Variants in CSMD1 observed in about 807,000 individuals in gnomAD.
CSMD1 encodes CUB and sushi domain-containing protein 1.
CSMD1 carries 213 observed loss-of-function variants against 417.5 expected under a neutral mutation model. The ratio of observed to expected loss-of-function variants is 0.51; its 90% CI spans 0.46 to 0.57. The LOEUF (loss-of-function observed/expected upper bound fraction) is 0.57, where lower values mean the gene tolerates loss of function less well. Ranked by LOEUF, CSMD1 falls within the 20% of genes least tolerant of loss-of-function variation. The pLI is 0.00. For synonymous variants in CSMD1, 2,862 were observed against 1,736.8 expected (o/e 1.65, Z -16.11); for missense variants, 6,923 against 4,529.7 (o/e 1.53, Z -15.17).
At chr8:3,224,268 A>G (rs1237005164) in intron 27 of CSMD1, among the ~76,000 whole-genome samples, 1 of 152,236 alleles carries the variant, frequency 6.6e-6, no homozygotes, top group Non-Finnish European at 1.5e-5. Flanking sequence ...TTTTATGGCC[A>G]TGTTAATTAT....
chr8:3,050,178 T>G (rs1226932657), intron 50 of CSMD1, among the ~76,000 whole-genome samples: 1 of 151,474 alleles, frequency 6.6e-6, no homozygotes, highest in African/African-American at 2.4e-5. Context: ...GGGTCAAAAC[T>G]GGACATTAAC....
At chr8:3,461,516 G>T (rs1265540714) in intron 12 of CSMD1, among the ~76,000 whole-genome samples, 1 of 152,180 alleles carries the variant, frequency 6.6e-6, no homozygotes, top group African/African-American at 2.4e-5. Flanking sequence ...TGAGATCTCT[G>T]CTCCCCGATC....
chr8:3,526,390 C>G (rs1797755539), intron 10 of CSMD1, among the ~76,000 whole-genome samples: 1 of 151,982 alleles, frequency 6.6e-6, no homozygotes. Flanking sequence ...CTTCTTCAAT[C>G]CTAAATATAT....
intron 1 of CSMD1, among the ~76,000 whole-genome samples, chr8:4,869,795 T>C (rs546655985): frequency 8.5e-5 from 13 of 152,226 alleles, no homozygotes; most frequent in African/African-American, 3.1e-4. Context: ...TGTTTCTTTA[T>C]TGTCTGCCTG....
In CSMD1 at chr8:4,777,917, G is replaced by A. The variant is rs370550823; in HGVS notation, c.86-140359C>T. Among the ~76,000 whole-genome samples, 8 of 152,140 alleles carry A rather than the reference G, an allele frequency of 5.3e-5. 1 individual carries two copies. The highest frequency in any genetic ancestry group is 4.1e-4 in the South Asian group (2 of 4,830). On this transcript the variant is annotated intron_variant, in intron 1 of 69. Transcript: ENST00000635120. Reference sequence around the variant, plus strand: ...TAAACTACCTATCCCACATCAAAGGGCTACTCCCTATAATACGGTTGTAGT... The same window carrying A: ...TAAACTACCTATCCCACATCAAAGGACTACTCCCTATAATACGGTTGTAGT...
chr8:4,273,963 C>T (rs1442110582), intron 3 of CSMD1, among the ~76,000 whole-genome samples: 1 of 152,098 alleles, frequency 6.6e-6, no homozygotes, highest in Non-Finnish European at 1.5e-5. Flanking sequence ...TGGGAGTATT[C>T]AGAACGACAT....
At chr8:4,642,573 G>C (rs1218664791) in intron 1 of CSMD1, among the ~76,000 whole-genome samples, 1 of 152,130 alleles carries the variant, frequency 6.6e-6, no homozygotes, top group Non-Finnish European at 1.5e-5. Flanking sequence ...TTCTACACCT[G>C]GATGAAACTG....
At chr8:4,373,095 A>C (rs1346620959) in intron 3 of CSMD1, among the ~76,000 whole-genome samples, 1 of 152,188 alleles carries the variant, frequency 6.6e-6, no homozygotes, top group Non-Finnish European at 1.5e-5. Flanking sequence ...TCTGTCTCCC[A>C]AAACCCCAAA....
At chr8:3,143,776 T>C (rs1393628389) in intron 40 of CSMD1, among the ~76,000 whole-genome samples, 5 of 152,204 alleles carry the variant, frequency 3.3e-5, no homozygotes. Flanking sequence ...GCATCTAATA[T>C]ATTTCCTAGA....
chr8:3,667,161 G>C (rs1302602318), intron 7 of CSMD1, among the ~76,000 whole-genome samples: 1 of 152,036 alleles, frequency 6.6e-6, no homozygotes, highest in Non-Finnish European at 1.5e-5. Flanking sequence ...TGTTCTTATG[G>C]AGCTCACATT....
rs920979757 is a variant in CSMD1, at chr8:3,383,062, G to C, written c.2782+4432C>G. Among the ~76,000 whole-genome samples, 3 of 151,920 alleles carry C rather than the reference G, an allele frequency of 2.0e-5. No individual in the cohort carries two copies. In the South Asian group the frequency reaches 6.2e-4, roughly 32 times the overall value. The stretch of plus-strand genomic sequence containing the variant: ...GCCAGCGCATGTAGATAGCCAGATT[G>C]GAGAAGAAATGGATCTGGACACTAC... On this transcript the variant is annotated intron_variant, in intron 18 of 69. Transcript: ENST00000635120.
intron 26 of CSMD1, among the ~76,000 whole-genome samples, chr8:3,276,408 A>T (rs1388091988): frequency 1.3e-5 from 2 of 152,190 alleles, no homozygotes; most frequent in African/African-American, 4.8e-5. Context: ...CTATTCGTTC[A>T]TCTTGGCTTC....
intron 26 of CSMD1, among the ~76,000 whole-genome samples, chr8:3,276,999 T>C (rs539783394): frequency 6.6e-6 from 1 of 152,268 alleles, no homozygotes; most frequent in East Asian, 1.9e-4. Context: ...GACAATGTGA[T>C]TGTCTTCGCT....
At chr8:3,812,642 T>C (rs1179851922) in intron 5 of CSMD1, among the ~76,000 whole-genome samples, 3 of 152,198 alleles carry the variant, frequency 2.0e-5, no homozygotes, top group African/African-American at 4.8e-5. Context: ...ATCTGTATCC[T>C]AGCCACAGTA....
intron 2 of CSMD1, among the ~76,000 whole-genome samples, chr8:4,521,774 G>A (rs564209137): frequency 1.3e-5 from 2 of 152,222 alleles, no homozygotes; most frequent in South Asian, 4.1e-4. Flanking sequence ...CTCTTCACTG[G>A]ATACTTAAGT....
At chr8:4,744,519 A>G (rs1471418) in intron 1 of CSMD1, among the ~76,000 whole-genome samples, 137,543 of 152,250 alleles carry the variant, frequency 0.9, 62,270 homozygotes, top group East Asian at 0.97. Flanking sequence ...TGATAATGGT[A>G]TATGAATTAC....
chr8:4,946,063 G>A (rs936124462), intron 1 of CSMD1, among the ~76,000 whole-genome samples: 2 of 152,088 alleles, frequency 1.3e-5, no homozygotes, highest in Admixed American at 1.3e-4. Context: ...CTTCAGCATT[G>A]CCGCTGGCAA....
At chr8:3,770,826 C>G (rs1318366117) in intron 5 of CSMD1, among the ~76,000 whole-genome samples, 1 of 151,996 alleles carries the variant, frequency 6.6e-6, no homozygotes, top group African/African-American at 2.4e-5. Flanking sequence ...AGCAGCTGAC[C>G]TAAGAAAAGA....
intron 37 of CSMD1, among the ~76,000 whole-genome samples, chr8:3,169,420 A>C (rs1820444230): frequency 6.6e-6 from 1 of 152,222 alleles, no homozygotes; most frequent in African/African-American, 2.4e-5. Flanking sequence ...CAGTATCAAA[A>C]AAAAGACAAA....
Sources: gnomAD v4.1 joint callset for allele counts (sites outside exome capture counted in the v4.1 genomes callset) on GRCh38, gnomAD v4.1.1 for gene constraint, MANE v1.5 for transcripts, NCBI Gene and HGNC (gene_info 2026-07-23, HGNC 2026-07-21) for gene names.